The following WNT11 variants were observed in gnomAD, a reference collection of about 807,000 sequenced individuals.
The protein encoded by WNT11 is protein Wnt-11.
Under a neutral mutation model 35.6 loss-of-function variants are expected in WNT11, and 20 were observed. That is an observed-to-expected ratio of 0.56 (90% CI 0.40 to 0.82). The LOEUF is 0.82. Ranked by LOEUF, WNT11 falls within the 40% of genes least tolerant of loss-of-function variation. WNT11 has a pLI of 0.00. For missense variants in WNT11, 459 were observed against 504.4 expected (o/e 0.91, Z 0.86); for synonymous variants, 200 against 211.9 (o/e 0.94, Z 0.49).
At chr11:76,188,399 A>T (rs1953130467) in intron 4 of WNT11, among the ~76,000 whole-genome samples, 1 of 152,268 alleles carries the variant, frequency 6.6e-6, no homozygotes, top group Non-Finnish European at 1.5e-5. Context: ...CAAATGTGGG[A>T]TGCGAAGACA....
chr11:76,208,256 C>T (rs1042479139), upstream of WNT11, among the ~76,000 whole-genome samples: 7 of 152,242 alleles, frequency 4.6e-5, no homozygotes, highest in Admixed American at 1.3e-4. Context: ...TGGGAAGCCC[C>T]ACTGTTTTCT....
chr11:76,196,399 T>C, intron 2 of WNT11, 84 bp downstream of exon 2: 1 of 1,491,110 alleles, frequency 6.7e-7, no homozygotes, highest in Non-Finnish European at 9.2e-7. Flanking sequence ...CATGAACCCA[T>C]CCCTCCATCT....
chr11:76,194,461 A>G lies in WNT11; in HGVS notation c.597+106T>C. 1 of 1,322,198 alleles carries G rather than the reference A, an allele frequency of 7.6e-7. No individual in the cohort carries two copies. The highest frequency in any genetic ancestry group is 2.7e-4 in the Middle Eastern group (1 of 3,694). 81.9% of individuals were successfully genotyped at this position (1,322,198 alleles called of 1,614,324 possible). ...GAGGCACATCAGGTGTGGGCCAGTC[A>G]GGGCCCGTCCCCCCGCACCCCCCAC... On this transcript the variant is annotated intron_variant, in intron 3 of 4. Transcript: ENST00000322563. The surrounding 1 kb of genome is among the most constrained non-coding windows in gnomAD (Gnocchi z 5.4).
At chr11:76,198,150 G>A (rs1011593145) in intron 1 of WNT11, among the ~76,000 whole-genome samples, 13 of 152,208 alleles carry the variant, frequency 8.5e-5, no homozygotes, top group African/African-American at 2.9e-4. Flanking sequence ...ACAGGCTTGG[G>A]TAGACTCCAG....
At chr11:76,197,702 C>T (rs976201722) in intron 1 of WNT11, among the ~76,000 whole-genome samples, 3 of 152,078 alleles carry the variant, frequency 2.0e-5, no homozygotes, top group Non-Finnish European at 4.4e-5. Flanking sequence ...CCTGGTGGGT[C>T]CCTATGAACC....
In WNT11 at chr11:76,206,425, G is replaced by A. The variant is rs554795364; in HGVS notation, c.-18C>T. The A allele has an allele frequency of 4.0e-6, 6 of 1,490,070 alleles. No homozygotes were observed. Among genetic ancestry groups the A allele is most frequent in the Non-Finnish European group, 5.3e-6 (6 of 1,124,764 alleles). 92.3% of individuals were successfully genotyped at this position (1,490,070 alleles called of 1,614,324 possible). On this transcript the variant is annotated 5_prime_UTR_variant, in exon 1 of 5. Coordinates refer to ENST00000322563, the MANE Select transcript of WNT11 (RefSeq NM_004626.3). ...GCCCTCATCGTCGCGCGGCGGGCGC[G>A]CCCGGGGTCACACCCAGGAGGAGCC...
At chr11:76,202,016 C>A (rs1953387818) in intron 1 of WNT11, among the ~76,000 whole-genome samples, 1 of 152,162 alleles carries the variant, frequency 6.6e-6, no homozygotes, top group African/African-American at 2.4e-5. Flanking sequence ...ACCTGGCAGC[C>A]AGGTTCAGGC....
At chr11:76,204,299 T>C (rs1470627933) in intron 1 of WNT11, among the ~76,000 whole-genome samples, 3 of 152,232 alleles carry the variant, frequency 2.0e-5, no homozygotes, top group Non-Finnish European at 4.4e-5. Context: ...TATCAGTTTC[T>C]CATAGGAGTG....
intron 1 of WNT11, among the ~76,000 whole-genome samples, chr11:76,204,002 C>T (rs1953429171): frequency 6.6e-6 from 1 of 152,214 alleles, no homozygotes; most frequent in South Asian, 2.1e-4. Flanking sequence ...TCTCTGTTTC[C>T]TCTTCTGTGC....
Position 76,187,059 on chromosome 11 carries a change from A to G in WNT11, c.*6T>C. On this transcript the variant is annotated 3_prime_UTR_variant, in exon 5 of 5. Transcript: ENST00000322563. ...CTCGCTCCTGCGTGGGGCGGAGGGCAGGGCCTCACTTGCAGACATAGCGCT... is the reference window on the plus strand; with the variant it reads ...CTCGCTCCTGCGTGGGGCGGAGGGCGGGGCCTCACTTGCAGACATAGCGCT... 1.9e-6 allele frequency: 3 copies of G among 1,609,212 alleles called. No individual in the cohort carries two copies. Among genetic ancestry groups the G allele is most frequent in the Non-Finnish European group, 2.5e-6 (3 of 1,179,894 alleles).
chr11:76,199,673 C>A (rs531813065), intron 1 of WNT11, among the ~76,000 whole-genome samples: 1 of 151,882 alleles, frequency 6.6e-6, no homozygotes, highest in Non-Finnish European at 1.5e-5. Flanking sequence ...CGTGGTGGTG[C>A]GCGCCTGTAG....
rs746883096 is a variant in WNT11, at chr11:76,194,384, G to C, written c.597+183C>G. Among the ~76,000 whole-genome samples, 1 of 151,952 alleles carries C rather than the reference G, an allele frequency of 6.6e-6. No homozygotes were observed. The highest frequency in any genetic ancestry group is 1.5e-5 in the Non-Finnish European group (1 of 68,008). The stretch of plus-strand genomic sequence containing the variant: ...AGTGGACGCCTTGGAGGAGGAAAGC[G>C]ACACAAGCCCCAAGCAGCTGGCGAG... On this transcript the variant is annotated intron_variant, in intron 3 of 4. Coordinates refer to ENST00000322563, the MANE Select transcript of WNT11 (RefSeq NM_004626.3). The surrounding 1 kb of genome is among the most constrained non-coding windows in gnomAD (Gnocchi z 5.4).
chr11:76,193,101 T>A (rs1016592325), intron 3 of WNT11, among the ~76,000 whole-genome samples: 2 of 152,156 alleles, frequency 1.3e-5, no homozygotes, highest in Admixed American at 6.5e-5. Context: ...AGGGATGAAG[T>A]CAGCAGGACT....
At position 76,196,760 on chromosome 11, in the gene WNT11, AG is replaced by A. The variant is rs751011666; in HGVS notation, c.84-43del. ...GGCCATGACCGATGGAAGGAGAGACAGGGTTGTCAGGGGCCACATGGCCTCC... is the reference window on the plus strand; with the variant it reads ...GGCCATGACCGATGGAAGGAGAGACAGGTTGTCAGGGGCCACATGGCCTCC... On this transcript the variant is annotated intron_variant, in intron 1 of 4. Coordinates refer to ENST00000322563, the MANE Select transcript of WNT11 (RefSeq NM_004626.3). The A allele has an allele frequency of 4.5e-5, 69 of 1,532,134 alleles. No homozygotes were observed. In the African/African-American group the frequency reaches 8.4e-4, roughly 19 times the overall value. 94.9% of individuals were successfully genotyped at this position (1,532,134 alleles called of 1,614,324 possible).
chr11:76,188,446 G>A (rs1260616228), intron 4 of WNT11, among the ~76,000 whole-genome samples: 1 of 152,262 alleles, frequency 6.6e-6, no homozygotes, highest in African/African-American at 2.4e-5. Flanking sequence ...TCCTTCCACT[G>A]CTCTCAGTTC....
At chr11:76,210,451 C>T (rs1953551689), upstream of WNT11, 1 of 985,358 alleles carries the variant, frequency 1.0e-6, no homozygotes. Flanking sequence ...CGGCTGCCCG[C>T]TGCCCGCGAC....
intron 1 of WNT11, among the ~76,000 whole-genome samples, chr11:76,198,759 G>A (rs757853069): frequency 5.3e-5 from 8 of 152,198 alleles, no homozygotes; most frequent in Admixed American, 5.2e-4. Context: ...CCCAGGAAGA[G>A]CACAAGCCTT....
chr11:76,208,659 G>T (rs1953510823), upstream of WNT11, among the ~76,000 whole-genome samples: 1 of 152,286 alleles, frequency 6.6e-6, no homozygotes, highest in Admixed American at 6.5e-5. Context: ...CACAGCGGGG[G>T]ATCTGTGTCC....
rs937656493 is a variant in WNT11 at position 76,196,770 on chromosome 11, G to A, written c.84-52C>T. ...GATGGAAGGAGAGACAGGGTTGTCA[G>A]GGGCCACATGGCCTCCACCCGCCCT... On this transcript the variant is annotated intron_variant, in intron 1 of 4. Coordinates refer to ENST00000322563, the MANE Select transcript of WNT11 (RefSeq NM_004626.3). 4 of 1,518,100 alleles carry A rather than the reference G, an allele frequency of 2.6e-6. No individual in the cohort carries two copies. The African/African-American group carries it at 5.5e-5, about 21-fold the overall frequency. 94.0% of individuals were successfully genotyped at this position (1,518,100 alleles called of 1,614,324 possible). A position where few individuals can be genotyped will look rare whatever the true frequency, so the allele number is the denominator to read the frequency against.
Sources: allele counts gnomAD v4.1 joint callset (sites outside exome capture counted in the v4.1 genomes callset), GRCh38; gene constraint gnomAD v4.1.1; non-coding constraint Gnocchi (gnomAD v3.1); transcripts MANE v1.5; gene names NCBI Gene and HGNC (gene_info 2026-07-23, HGNC 2026-07-21).